ZFTA: variants seen among roughly 807,000 people sequenced by gnomAD.
The protein encoded by ZFTA is zinc finger translocation-associated protein.
In ZFTA, 35 loss-of-function variants were observed where a neutral mutation model predicts 41.8. The ratio of observed to expected loss-of-function variants is 0.84; its 90% CI spans 0.64 to 1.11. The LOEUF is 1.11. Among genes scored for constraint, ZFTA ranks in the 50% most tolerant of loss-of-function variants. ZFTA has a pLI of 0.00. For synonymous variants in ZFTA, 514 were observed against 436.4 expected (o/e 1.18, Z -2.22); for missense variants, 964 against 989.8 (o/e 0.97, Z 0.35).
intron 4 of ZFTA, 53 bp downstream of exon 4, chr11:63,763,985 C>T: frequency 3.8e-6 from 5 of 1,302,518 alleles, no homozygotes; most frequent in Non-Finnish European, 4.0e-6. Flanking sequence ...GTCCCTTCTG[C>T]CCCAGCAACT....
In ZFTA at chr11:63,763,161, A is replaced by C; in HGVS notation, c.*257T>G. The C allele has an allele frequency of 5.2e-6, 1 of 191,488 alleles. No individual in the cohort carries two copies. The highest frequency in any genetic ancestry group is 1.1e-5 in the Non-Finnish European group (1 of 92,722). 11.9% of individuals were successfully genotyped at this position (191,488 alleles called of 1,614,324 possible). A position where few individuals can be genotyped will look rare whatever the true frequency, so the allele number is the denominator to read the frequency against. Reference sequence around the variant, plus strand: ...CGGAAAACGTGGGCCCTGCGCGGGGAGGGCAGGGCTCCGGGCCGATGGGAG... The same window carrying C: ...CGGAAAACGTGGGCCCTGCGCGGGGCGGGCAGGGCTCCGGGCCGATGGGAG... On this transcript the variant is annotated 3_prime_UTR_variant, in exon 5 of 5. Transcript: ENST00000433688.
At chr11:63,767,768 C>T (rs539088194) in intron 1 of ZFTA, among the ~76,000 whole-genome samples, 5 of 152,016 alleles carry the variant, frequency 3.3e-5, no homozygotes, top group African/African-American at 1.2e-4. Context: ...TGAGAGCGAA[C>T]GAGGAGGACT....
Position 63,764,082 on chromosome 11 carries a change from C to A in ZFTA, c.1541G>T (p.Gly514Val). ...PGTAAASDEG[G>V]GDEEEEPEEE... ...CTCTGGCTCCTCCTCCTCGTCCCCT[C>A]CCCCCTCGTCGGAGGCTGCGGCAGT... is the stretch of plus-strand genomic sequence containing the variant. The change falls in exon 4 of 5, where the codon GGA becomes GTA. Residue 514 changes from glycine to valine, a missense_variant. Physicochemically the swap from Gly to Val is moderately radical, Grantham distance 109. Around this residue, in one of 5 missense-constraint regions of ZFTA, gnomAD observed 584 missense variants for 523.1 expected, o/e 1.12. Coordinates refer to ENST00000433688, the MANE Select transcript of ZFTA (RefSeq NM_001144936.2). 7.4e-7 allele frequency: 1 copy of A among 1,343,752 alleles called. No individual in the cohort carries two copies. Among genetic ancestry groups the A allele is most frequent in the South Asian group, 1.9e-5 (1 of 52,232 alleles). The allele number at this position is 1,343,752 out of a possible 1,614,324, so 83.2% of individuals were successfully genotyped here.
chr11:63,764,276 G>C lies in ZFTA; in HGVS notation c.1347C>G (p.Leu449=). The C allele has an allele frequency of 1.4e-6, 2 of 1,461,448 alleles. No homozygotes were observed. Among genetic ancestry groups the C allele is most frequent in the Non-Finnish European group, 1.8e-6 (2 of 1,114,240 alleles). 90.5% of individuals were successfully genotyped at this position (1,461,448 alleles called of 1,614,324 possible). ...CGVCGGALAS[L]KMSTIERHIR... The stretch of plus-strand genomic sequence containing the variant: ...TGTGGCGCTCGATGGTGCTCATCTT[G>C]AGCGAGGCCAGCGCGCCCCCGCACA... Residue 449 remains leucine (L), a synonymous_variant, in exon 4 of 5, where the codon CTC becomes CTG. Transcript: ENST00000433688.
In ZFTA at chr11:63,760,068, T is replaced by TTTA. The variant is rs2014590691; in HGVS notation, c.*3349_*3350insTAA. The TTTA allele has an allele frequency of 6.6e-6, 1 of 151,752 alleles. No individual in the cohort carries two copies. Among genetic ancestry groups the TTTA allele is most frequent in the African/African-American group, 2.4e-5 (1 of 41,440 alleles). The allele number at this position is 151,752 out of a possible 1,614,324, so 9.4% of individuals were successfully genotyped here. A position where few individuals can be genotyped will look rare whatever the true frequency, so the allele number is the denominator to read the frequency against. On this transcript the variant is annotated 3_prime_UTR_variant, in exon 5 of 5. Transcript: ENST00000433688. ...GCAGAATTTAGTTGTACAGCATAAC[T>TTTA]GTGCATTTGATCTCTGAAAGAAAAT... is the stretch of plus-strand genomic sequence containing the variant.
intron 4 of ZFTA, 29 bp downstream of exon 4, chr11:63,764,009 T>C: frequency 7.6e-7 from 1 of 1,308,452 alleles, no homozygotes; most frequent in Non-Finnish European, 9.9e-7. Context: ...CGGCTCTCCC[T>C]CTCCGCCTGC....
Position 63,763,422 on chromosome 11 carries a change from G to A in ZFTA, c.2033C>T (p.Ala678Val), listed in dbSNP as rs1220748038. 13 of 1,333,210 alleles carry A rather than the reference G, an allele frequency of 9.8e-6. No individual in the cohort carries two copies. In the East Asian group the frequency reaches 2.0e-4, roughly 21 times the overall value. The allele number at this position is 1,333,210 out of a possible 1,614,324, so 82.6% of individuals were successfully genotyped here. A position where few individuals can be genotyped will look rare whatever the true frequency, so the allele number is the denominator to read the frequency against. ...ACCCGGGGGCCCGCTAGGCCGCTAC[G>A]CCCGACACACAGCGCCAGACTTGAG... ...ADLKSGAVCR[A>V] Residue 678 changes from alanine (A) to valine (V), a missense_variant, in exon 5 of 5, where the codon GCG (alanine) becomes GTG (valine). By Grantham distance (64) the Ala-to-Val change is moderately conservative. Transcript: ENST00000433688.
Position 63,760,849 on chromosome 11 carries a change from A to C in ZFTA, c.*2569T>G, listed in dbSNP as rs1465372862. 6.6e-6 allele frequency: 1 copy of C among 152,242 alleles called. No individual in the cohort carries two copies. The highest frequency in any genetic ancestry group is 1.5e-5 in the Non-Finnish European group (1 of 68,062). The allele number at this position is 152,242 out of a possible 1,614,324, so 9.4% of individuals were successfully genotyped here. ...TGGCCCAAGAATTTTTATTTCTAGC[A>C]GATTCCTAAGGTGATGCTGCTGGTC... is the stretch of plus-strand genomic sequence containing the variant. On this transcript the variant is annotated 3_prime_UTR_variant, in exon 5 of 5. Coordinates refer to ENST00000433688, the MANE Select transcript of ZFTA (RefSeq NM_001144936.2).
intron 1 of ZFTA, 123 bp downstream of exon 1, chr11:63,768,361 G>T (rs2135099789): frequency 1.9e-6 from 1 of 516,518 alleles, no homozygotes; most frequent in Non-Finnish European, 2.5e-6. Flanking sequence ...CCCACCAGGT[G>T]GCGCCCCCGG....
At position 63,760,885 on chromosome 11, in the gene ZFTA, A is replaced by G. The variant is rs1044191437; in HGVS notation, c.*2533T>C. Reference sequence around the variant, plus strand: ...GTGATGCTGCTGGTCTCAGGGACACACTTTGAGAGCCACTGGTGTGTTTGG... The same window carrying G: ...GTGATGCTGCTGGTCTCAGGGACACGCTTTGAGAGCCACTGGTGTGTTTGG... On this transcript the variant is annotated 3_prime_UTR_variant, in exon 5 of 5. Coordinates refer to ENST00000433688, the MANE Select transcript of ZFTA (RefSeq NM_001144936.2). The G allele has an allele frequency of 1.3e-5, 2 of 152,174 alleles. No individual in the cohort carries two copies. Among genetic ancestry groups the G allele is most frequent in the Non-Finnish European group, 2.9e-5 (2 of 68,044 alleles). 9.4% of individuals were successfully genotyped at this position (152,174 alleles called of 1,614,324 possible).
chr11:63,763,363 G>A lies in ZFTA; in HGVS notation c.*55C>T, dbSNP rs1486833532. 1.2e-5 allele frequency: 14 copies of A among 1,153,272 alleles called. No individual in the cohort carries two copies. In the Middle Eastern group the frequency reaches 1.1e-3, roughly 89 times the overall value. 71.4% of individuals were successfully genotyped at this position (1,153,272 alleles called of 1,614,324 possible). On this transcript the variant is annotated 3_prime_UTR_variant, in exon 5 of 5. Transcript: ENST00000433688. Reference sequence around the variant, plus strand: ...AGCCGAAGGGCCGGGCGAGCACAGGGCGGGGCGGGGCCGATCCGACCCGAC... The same window carrying A: ...AGCCGAAGGGCCGGGCGAGCACAGGACGGGGCGGGGCCGATCCGACCCGAC...
Position 63,765,009 on chromosome 11 carries a change from G to C in ZFTA, c.883C>G (p.Leu295Val). The C allele has an allele frequency of 1.3e-6, 2 of 1,548,970 alleles. No individual in the cohort carries two copies. The highest frequency in any genetic ancestry group is 1.7e-6 in the Non-Finnish European group (2 of 1,146,550). ...TGGGCACGGATGTCGTCCAGGTGCA[G>C]GCTGGGCAGTGCCCGGCCACAGGCC... The part of the protein sequence containing the change: ...CMACGRALPS[L>V]HLDDIRAHVL... The change falls in exon 3 of 5, where the codon CTG becomes GTG. Residue 295 changes from leucine to valine, a missense_variant. By Grantham distance (32) the Leu-to-Val change is conservative. This residue lies in a region of ZFTA where 584 missense variants were observed against 523.1 expected (regional missense o/e 1.12). Coordinates refer to ENST00000433688, the MANE Select transcript of ZFTA (RefSeq NM_001144936.2). This position sits in a 1 kb window ranked among gnomAD's most constrained non-coding sequence, Gnocchi z 4.0.
In ZFTA at chr11:63,763,481, C is replaced by T. The variant is rs778422742; in HGVS notation, c.1974G>A (p.Pro658=). 2 of 1,511,630 alleles carry T rather than the reference C, an allele frequency of 1.3e-6. No individual in the cohort carries two copies. Among genetic ancestry groups the T allele is most frequent in the Non-Finnish European group, 1.8e-6 (2 of 1,127,416 alleles). 93.6% of individuals were successfully genotyped at this position (1,511,630 alleles called of 1,614,324 possible). A position where few individuals can be genotyped will look rare whatever the true frequency, so the allele number is the denominator to read the frequency against. The change falls in exon 5 of 5, where the codon CCG becomes CCA. Residue 658 remains proline (P), a synonymous_variant. Coordinates refer to ENST00000433688, the MANE Select transcript of ZFTA (RefSeq NM_001144936.2). ...CGCCGTCACGCGGCGCCGGGGCGGG[C>T]GGCCCGAAGCCCTCGTGGCCGTAGC... ...LRCYGHEGFG[P]PAPAPRDGGA... is the part of the protein sequence containing the mutation.
In ZFTA at chr11:63,765,838, G is replaced by A. The variant is rs1004513871; in HGVS notation, c.606C>T (p.Ala202=). 9 of 1,495,418 alleles carry A rather than the reference G, an allele frequency of 6.0e-6. No individual in the cohort carries two copies. Among genetic ancestry groups the A allele is most frequent in the African/African-American group, 4.2e-5 (3 of 71,490 alleles). 92.6% of individuals were successfully genotyped at this position (1,495,418 alleles called of 1,614,324 possible). A position where few individuals can be genotyped will look rare whatever the true frequency, so the allele number is the denominator to read the frequency against. ...EEEEEEEEEG[A]GVPACPPKGP... is the part of the protein sequence containing the mutation. Reference sequence around the variant, plus strand: ...CCTTGGGCGGGCAAGCTGGGACACCGGCCCCCTCCTCCTCCTCCTCTTCTT... The same window carrying A: ...CCTTGGGCGGGCAAGCTGGGACACCAGCCCCCTCCTCCTCCTCCTCTTCTT... Residue 202 remains alanine (A), a synonymous_variant, in exon 2 of 5, where the codon GCC becomes GCT. Transcript: ENST00000433688. The surrounding 1 kb of genome is among the most constrained non-coding windows in gnomAD (Gnocchi z 4.0).
intron 3 of ZFTA, 103 bp downstream of exon 3, chr11:63,764,765 G>A (rs1414766930): frequency 1.4e-6 from 2 of 1,395,944 alleles, no homozygotes; most frequent in Non-Finnish European, 9.3e-7. Context: ...CCAGCTCCTG[G>A]CCTTCAGCCC....
At position 63,765,097 on chromosome 11, in the gene ZFTA, C is replaced by T. The variant is rs2135095133; in HGVS notation, c.795G>A (p.Gln265=). ...RLERRLKESL[Q]NWFRAECLMD... is the part of the protein sequence containing the mutation. ...TGAGACACTCGGCCCGGAACCAGTT[C>T]TGCAGGGACTCCTTCAGCCTCCTCT... The change falls in exon 3 of 5, where the codon CAG becomes CAA. Residue 265 remains glutamine (Q), a synonymous_variant. Coordinates refer to ENST00000433688, the MANE Select transcript of ZFTA (RefSeq NM_001144936.2). The surrounding 1 kb of genome is among the most constrained non-coding windows in gnomAD (Gnocchi z 4.0). 1 of 1,548,732 alleles carries T rather than the reference C, an allele frequency of 6.5e-7. No individual in the cohort carries two copies. The highest frequency in any genetic ancestry group is 2.4e-5 in the East Asian group (1 of 40,872).
Position 63,764,907 on chromosome 11 carries a change from G to C in ZFTA, c.985C>G (p.Gln329Glu). 6.5e-7 allele frequency: 1 copy of C among 1,533,048 alleles called. No homozygotes were observed. Among genetic ancestry groups the C allele is most frequent in the Non-Finnish European group, 8.8e-7 (1 of 1,140,834 alleles). The allele number at this position is 1,533,048 out of a possible 1,614,324, so 95.0% of individuals were successfully genotyped here. A position where few individuals can be genotyped will look rare whatever the true frequency, so the allele number is the denominator to read the frequency against. Residue 329 changes from glutamine (Q) to glutamate (E), a missense_variant, in exon 3 of 5, where the codon CAG (glutamine) becomes GAG (glutamate). Around this residue, in one of 5 missense-constraint regions of ZFTA, gnomAD observed 584 missense variants for 523.1 expected, o/e 1.12. Transcript: ENST00000433688. ...GTGAGCTCAGACAGCGCCTCGGGCT[G>C]GCCCCCCCAGGCCTGCAGCAGGGCA... ...RSALLQAWGG[Q>E]PEALSELTQS...
rs1412021878 is a variant in ZFTA at position 63,765,010 on chromosome 11, G to C, written c.882C>G (p.Ser294Arg). Residue 294 changes from serine to arginine, a missense_variant, in exon 3 of 5, where the codon AGC becomes AGG. Ser to Arg is a moderately radical substitution (Grantham distance 110). Coordinates refer to ENST00000433688, the MANE Select transcript of ZFTA (RefSeq NM_001144936.2). The surrounding 1 kb of genome is among the most constrained non-coding windows in gnomAD (Gnocchi z 4.0). ...VCMACGRALP[S>R]LHLDDIRAHV... is the part of the protein sequence containing the mutation. ...GGGCACGGATGTCGTCCAGGTGCAG[G>C]CTGGGCAGTGCCCGGCCACAGGCCA... 6.5e-7 allele frequency: 1 copy of C among 1,548,826 alleles called. No homozygotes were observed. The highest frequency in any genetic ancestry group is 2.4e-5 in the East Asian group (1 of 40,888).
Position 63,764,911 on chromosome 11 carries a change from C to G in ZFTA, c.981G>C (p.Gly327=), listed in dbSNP as rs1337415049. 1 of 1,535,132 alleles carries G rather than the reference C, an allele frequency of 6.5e-7. No individual in the cohort carries two copies. The highest frequency in any genetic ancestry group is 1.2e-5 in the South Asian group (1 of 82,812). The change falls in exon 3 of 5, where the codon GGG becomes GGC. Residue 327 remains glycine, a synonymous_variant. Transcript: ENST00000433688. The part of the protein sequence containing the change: ...PQRSALLQAW[G]GQPEALSELT... Reference sequence around the variant, plus strand: ...GCTCAGACAGCGCCTCGGGCTGGCCCCCCCAGGCCTGCAGCAGGGCACTGC... The same window carrying G: ...GCTCAGACAGCGCCTCGGGCTGGCCGCCCCAGGCCTGCAGCAGGGCACTGC...
Sources: allele counts gnomAD v4.1 joint callset (sites outside exome capture counted in the v4.1 genomes callset), GRCh38; gene constraint gnomAD v4.1.1; regional missense constraint gnomAD v4.1.1; non-coding constraint Gnocchi (gnomAD v3.1); transcripts MANE v1.5; gene names NCBI Gene and HGNC (gene_info 2026-07-23, HGNC 2026-07-21).